Variants in RAD51B observed in about 807,000 individuals in gnomAD.
RAD51B encodes the protein DNA repair protein RAD51 homolog 2.
RAD51B carries 38 observed loss-of-function variants against 42.2 expected under a neutral mutation model. The ratio of observed to expected loss-of-function variants is 0.90; its 90% CI spans 0.70 to 1.18. RAD51B has a LOEUF of 1.18. Among genes scored for constraint, RAD51B ranks in the 50% most tolerant of loss-of-function variants. RAD51B has a pLI of 0.00. For synonymous variants in RAD51B, 154 were observed against 145.2 expected (o/e 1.06, Z -0.43); for missense variants, 373 against 400.7 (o/e 0.93, Z 0.59).
At chr14:67,927,229 T>G (rs2044547305) in intron 7 of RAD51B, among the ~76,000 whole-genome samples, 1 of 152,298 alleles carries the variant, frequency 6.6e-6, no homozygotes, top group Admixed American at 6.5e-5. Context: ...TTCTCTTTAA[T>G]TGTCATATTT....
chr14:68,032,553 A>T (rs1041554439), intron 7 of RAD51B, among the ~76,000 whole-genome samples: 1 of 152,138 alleles, frequency 6.6e-6, no homozygotes, highest in Non-Finnish European at 1.5e-5. Context: ...TTAATCATCA[A>T]ACAGAGTTCT....
At chr14:68,575,247 T>A (rs1889909798) in intron 10 of RAD51B, among the ~76,000 whole-genome samples, 1 of 152,186 alleles carries the variant, frequency 6.6e-6, no homozygotes, top group African/African-American at 2.4e-5. Context: ...AACTGGAAAG[T>A]GAGGGACTCG....
intron 7 of RAD51B, among the ~76,000 whole-genome samples, chr14:68,120,284 A>C (rs1301232438): frequency 6.6e-6 from 1 of 151,970 alleles, no homozygotes; most frequent in African/African-American, 2.4e-5. Flanking sequence ...GTTCACTCTG[A>C]TGGTAGTTTC....
At chr14:67,970,206 G>T (rs2140248574) in intron 7 of RAD51B, among the ~76,000 whole-genome samples, 1 of 152,178 alleles carries the variant, frequency 6.6e-6, no homozygotes, top group Middle Eastern at 3.4e-3. Context: ...ATTTTTTGCT[G>T]CTCAGTAAAG....
At chr14:68,089,215 T>C (rs1282411353) in intron 7 of RAD51B, among the ~76,000 whole-genome samples, 1 of 152,146 alleles carries the variant, frequency 6.6e-6, no homozygotes, top group Non-Finnish European at 1.5e-5. Flanking sequence ...CAAGTTGCTT[T>C]TGGTCCTTGC....
intron 10 of RAD51B, among the ~76,000 whole-genome samples, chr14:68,650,260 C>T (rs568885057): frequency 6.6e-6 from 1 of 152,276 alleles, no homozygotes; most frequent in East Asian, 1.9e-4. Context: ...TTCTCTGAAC[C>T]AACTCACAAC....
At chr14:68,300,570 C>T (rs1304737369) in intron 8 of RAD51B, among the ~76,000 whole-genome samples, 1 of 152,098 alleles carries the variant, frequency 6.6e-6, no homozygotes, top group African/African-American at 2.4e-5. Context: ...GCCATCAAGC[C>T]AATATACTGT....
chr14:68,051,349 A>G (rs1009118008), intron 7 of RAD51B, among the ~76,000 whole-genome samples: 1 of 151,916 alleles, frequency 6.6e-6, no homozygotes, highest in Non-Finnish European at 1.5e-5. Context: ...ATCGGAATGT[A>G]CTCTCATTTA....
chr14:68,547,619 G>T (rs1215279194), intron 10 of RAD51B, among the ~76,000 whole-genome samples: 1 of 152,166 alleles, frequency 6.6e-6, no homozygotes, highest in Non-Finnish European at 1.5e-5. Flanking sequence ...CGGGTTCCTT[G>T]GCCCTGTCTC....
intron 7 of RAD51B, among the ~76,000 whole-genome samples, chr14:67,965,237 TTCA>T (rs2074747454): frequency 6.6e-6 from 1 of 152,194 alleles, no homozygotes; most frequent in Non-Finnish European, 1.5e-5. Flanking sequence ...AAACCTCACA[TTCA>T]TCTTGAGTCT....
chr14:68,010,037 T>G (rs2140328123), intron 7 of RAD51B, among the ~76,000 whole-genome samples: 1 of 152,058 alleles, frequency 6.6e-6, no homozygotes, highest in East Asian at 1.9e-4. Flanking sequence ...ATTGAGTAGT[T>G]TCTCAATTTT....
intron 7 of RAD51B, among the ~76,000 whole-genome samples, chr14:68,065,016 T>A (rs1274662222): frequency 6.6e-6 from 1 of 152,204 alleles, no homozygotes; most frequent in Non-Finnish European, 1.5e-5. Flanking sequence ...TCATTGGTGG[T>A]GTCATGTTTC....
intron 11 of RAD51B, among the ~76,000 whole-genome samples, chr14:68,655,156 T>C (rs958068793): frequency 1.3e-5 from 2 of 152,126 alleles, no homozygotes; most frequent in Non-Finnish European, 2.9e-5. Context: ...TGTGTGTATG[T>C]GTGTGCGCCA....
intron 8 of RAD51B, among the ~76,000 whole-genome samples, chr14:68,354,215 G>GT (rs1566828163): frequency 9.7e-6 from 1 of 103,476 alleles, no homozygotes. Flanking sequence ...TTGGTTTTTT[G>GT]GTTTTTTTTT....
At chr14:68,563,146 G>A (rs1305253016) in intron 10 of RAD51B, 1 of 985,350 alleles carries the variant, frequency 1.0e-6, no homozygotes, top group Non-Finnish European at 1.2e-6. Context: ...ACTTGGCGAA[G>A]GAGAGAAGTT....
chr14:68,318,263 C>T (rs995987477), intron 8 of RAD51B, among the ~76,000 whole-genome samples: 3 of 152,096 alleles, frequency 2.0e-5, no homozygotes, highest in African/African-American at 7.2e-5. Context: ...GTAACCTGGC[C>T]CAAGAGCTTA....
chr14:67,938,437 C>T (rs1334170465), intron 7 of RAD51B, among the ~76,000 whole-genome samples: 1 of 152,200 alleles, frequency 6.6e-6, no homozygotes, highest in African/African-American at 2.4e-5. Flanking sequence ...CAGTAATTGT[C>T]AGTATTGCTC....
chr14:68,658,953 C>T (rs951420561), intron 11 of RAD51B, among the ~76,000 whole-genome samples: 1 of 152,238 alleles, frequency 6.6e-6, no homozygotes, highest in Admixed American at 6.5e-5. Context: ...GATGTCACTC[C>T]CTGCACAGCA....
intron 7 of RAD51B, among the ~76,000 whole-genome samples, chr14:68,260,022 C>T (rs752241045): frequency 2.0e-5 from 3 of 151,964 alleles, no homozygotes; most frequent in South Asian, 2.1e-4. Context: ...AAGATATTTT[C>T]GAGTGGTGAT....
Sources: gnomAD v4.1 joint callset for allele counts (sites outside exome capture counted in the v4.1 genomes callset) on GRCh38, gnomAD v4.1.1 for gene constraint, MANE v1.5 for transcripts, NCBI Gene and HGNC (gene_info 2026-07-23, HGNC 2026-07-21) for gene names.